Variants in PRKCD observed in about 807,000 individuals in gnomAD.
PRKCD encodes the protein protein kinase C delta type.
Under a neutral mutation model 82.2 loss-of-function variants are expected in PRKCD, and 20 were observed. The observed-to-expected ratio is 0.24, with a 90% CI of 0.17 to 0.35. The LOEUF (loss-of-function observed/expected upper bound fraction) is 0.35. Ranked by LOEUF, PRKCD falls within the 10% of genes least tolerant of loss-of-function variation. The probability of loss-of-function intolerance (pLI) is 1.00; values close to 1 mark genes in which losing one functional copy is unlikely to be tolerated. For missense variants in PRKCD, 607 were observed against 899.0 expected (o/e 0.68, Z 4.15); for synonymous variants, 317 against 337.0 (o/e 0.94, Z 0.65).
Position 53,188,742 on chromosome 3 carries a change from C to T in PRKCD, c.1438C>T (p.Leu480=), listed in dbSNP as rs1553669989. ...TAGGGACCTCAAACTGGACAATGTG[C>T]TGCTGGACCGGGATGGCCACATCAA... ...IYRDLKLDNV[L]LDRDGHIKIA... is the part of the protein sequence containing the mutation. Residue 480 remains leucine, a synonymous_variant, in exon 16 of 19, where the codon CTG becomes TTG. Coordinates refer to ENST00000330452, the MANE Select transcript of PRKCD (RefSeq NM_006254.4). 1.2e-6 allele frequency: 2 copies of T among 1,614,088 alleles called. No individual in the cohort carries two copies. Among genetic ancestry groups the T allele is most frequent in the East Asian group, 2.2e-5 (1 of 44,898 alleles).
chr3:53,174,286 C>T (rs1345498775), intron 2 of PRKCD, among the ~76,000 whole-genome samples: 2 of 152,206 alleles, frequency 1.3e-5, no homozygotes, highest in Non-Finnish European at 2.9e-5. Context: ...GCTGCCTCTG[C>T]TGTAGGCTGG....
chr3:53,178,612 CT>C, intron 3 of PRKCD, 75 bp downstream of exon 3: 1 of 1,283,350 alleles, frequency 7.8e-7, no homozygotes, highest in Non-Finnish European at 1.1e-6. Flanking sequence ...GGGGCCTGGC[CT>C]TGTTCCCTGC....
At chr3:53,162,245 G>C (rs1702693462) in intron 1 of PRKCD, among the ~76,000 whole-genome samples, 1 of 151,088 alleles carries the variant, frequency 6.6e-6, no homozygotes, top group Non-Finnish European at 1.5e-5. Context: ...CGTTGTGGGG[G>C]CTCCACCAGA....
At position 53,169,130 on chromosome 3, in the gene PRKCD, T is replaced by A. The variant is rs531158733; in HGVS notation, c.-20+3915T>A. On this transcript the variant is annotated intron_variant, in intron 2 of 18. Coordinates refer to ENST00000330452, the MANE Select transcript of PRKCD (RefSeq NM_006254.4). The surrounding 1 kb of genome is among the most constrained non-coding windows in gnomAD (Gnocchi z 4.7). ...TTATTGTGTGGGGAGCAGGGGGAGC[T>A]GTCTGGCCTGAGCCACTGCCTGAGC... is the stretch of plus-strand genomic sequence containing the variant. Among the ~76,000 whole-genome samples the A allele has an allele frequency of 2.4e-4, 37 of 151,920 alleles. No homozygotes were observed. Among genetic ancestry groups the A allele is most frequent in the African/African-American group, 8.5e-4 (35 of 41,402 alleles).
At chr3:53,186,114 G>T in intron 12 of PRKCD, 53 bp from the exon 13 acceptor site, 1 of 1,607,692 alleles carries the variant, frequency 6.2e-7, no homozygotes, top group Non-Finnish European at 8.5e-7. Flanking sequence ...TGTGAATCGG[G>T]CTGTGGCCCC....
intron 7 of PRKCD, 107 bp downstream of exon 7, chr3:53,181,839 C>A (rs781825801): frequency 6.6e-7 from 1 of 1,520,060 alleles, no homozygotes. Context: ...AGTGTATGCA[C>A]GTGAGTTTTC....
rs1209703403 is a variant in PRKCD, at chr3:53,169,126, G to A, written c.-20+3911G>A. 6.6e-6 allele frequency among the ~76,000 whole-genome samples: 1 copy of A among 152,120 alleles called. No individual in the cohort carries two copies. Among genetic ancestry groups the A allele is most frequent in the Non-Finnish European group, 1.5e-5 (1 of 68,004 alleles). On this transcript the variant is annotated intron_variant, in intron 2 of 18. Transcript: ENST00000330452. This position sits in a 1 kb window ranked among gnomAD's most constrained non-coding sequence, Gnocchi z 4.7. ...GGCCTTATTGTGTGGGGAGCAGGGG[G>A]AGCTGTCTGGCCTGAGCCACTGCCT...
chr3:53,183,600 CT>C lies in PRKCD; in HGVS notation c.787+20del. 6.2e-7 allele frequency: 1 copy of C among 1,612,472 alleles called. No homozygotes were observed. Among genetic ancestry groups the C allele is most frequent in the Non-Finnish European group, 8.5e-7 (1 of 1,179,068 alleles). ...TGTGAAGGTGCGTGCCACCCCGCCC[CT>C]GGGCTGCAGGAGGGGCACTCCCAGC... On this transcript the variant is annotated intron_variant, in intron 9 of 18. Coordinates refer to ENST00000330452, the MANE Select transcript of PRKCD (RefSeq NM_006254.4).
At chr3:53,177,998 T>C (rs1351015382) in intron 2 of PRKCD, among the ~76,000 whole-genome samples, 1 of 146,806 alleles carries the variant, frequency 6.8e-6, no homozygotes, top group African/African-American at 2.5e-5. Context: ...CAGGCTGGAG[T>C]GTACTGGTGC....
At chr3:53,170,022 G>C (rs1451301702) in intron 2 of PRKCD, among the ~76,000 whole-genome samples, 1 of 152,244 alleles carries the variant, frequency 6.6e-6, no homozygotes, top group African/African-American at 2.4e-5. Flanking sequence ...AAGTGGGGAA[G>C]CATCATGTGG....
intron 2 of PRKCD, among the ~76,000 whole-genome samples, chr3:53,171,877 G>A (rs1008194761): frequency 9.9e-5 from 15 of 152,270 alleles, no homozygotes; most frequent in Admixed American, 2.0e-4. Flanking sequence ...TTTCTCCAGG[G>A]GCAGTGAGAG....
intron 2 of PRKCD, among the ~76,000 whole-genome samples, chr3:53,176,613 TGTG>T (rs1390563863): frequency 5.3e-5 from 8 of 152,214 alleles, no homozygotes; most frequent in African/African-American, 1.7e-4. Context: ...GGAGCAGCCT[TGTG>T]GGGCCTGGGC....
chr3:53,171,484 C>T (rs1703029245), intron 2 of PRKCD, among the ~76,000 whole-genome samples: 1 of 152,232 alleles, frequency 6.6e-6, no homozygotes, highest in South Asian at 2.1e-4. Context: ...CTCCGTTCTC[C>T]TCCAGCCCCC....
chr3:53,192,552 TA>T lies in PRKCD; in HGVS notation c.*288del. The stretch of plus-strand genomic sequence containing the variant: ...ATATACATAGACATATATATATATA[TA>T]ATAGGCTGTATATATTGCTCAGTAG... On this transcript the variant is annotated 3_prime_UTR_variant, in exon 19 of 19. Transcript: ENST00000330452. 1 of 163,928 alleles carries T rather than the reference TA, an allele frequency of 6.1e-6. No homozygotes were observed. The highest frequency in any genetic ancestry group is 1.3e-5 in the Non-Finnish European group (1 of 78,312). 10.2% of individuals were successfully genotyped at this position (163,928 alleles called of 1,614,324 possible). A position where few individuals can be genotyped will look rare whatever the true frequency, so the allele number is the denominator to read the frequency against.
At chr3:53,172,400 C>G (rs1553665110) in intron 2 of PRKCD, among the ~76,000 whole-genome samples, 1 of 152,182 alleles carries the variant, frequency 6.6e-6, no homozygotes, top group African/African-American at 2.4e-5. Flanking sequence ...CTGCCGGTAC[C>G]AGTCCTGCAC....
At chr3:53,178,668 C>T in intron 3 of PRKCD, 131 bp downstream of exon 3, 1 of 740,714 alleles carries the variant, frequency 1.4e-6, no homozygotes, top group East Asian at 2.9e-5. Context: ...ACTCCCTGCC[C>T]CACTCAGCTA....
At chr3:53,168,427 C>CCG (rs1702903852) in intron 2 of PRKCD, among the ~76,000 whole-genome samples, 1 of 152,080 alleles carries the variant, frequency 6.6e-6, no homozygotes, top group Admixed American at 6.5e-5. Flanking sequence ...CAGCAGGGGC[C>CCG]TGAGGGCTGG....
Position 53,189,229 on chromosome 3 carries a change from A to G in PRKCD, c.1726A>G (p.Lys576Glu), listed in dbSNP as rs782371398. The change falls in exon 17 of 19, where the codon AAG (lysine) becomes GAG (glutamate). Residue 576 changes from lysine to glutamate, a missense_variant. Around this residue, in one of 5 missense-constraint regions of PRKCD, gnomAD observed 251 missense variants for 423.9 expected, o/e 0.59. Transcript: ENST00000330452. ...TCCCCGCTGGATCACCAAGGAGTCC[A>G]AGGACATCCTGGAGAAGGTGGAGGC... ...HYPRWITKES[K>E]DILEKLFERE... 1.2e-5 allele frequency: 19 copies of G among 1,612,474 alleles called. No individual in the cohort carries two copies. In the East Asian group the frequency reaches 3.3e-4, roughly 28 times the overall value.
intron 1 of PRKCD, 121 bp downstream of exon 1, chr3:53,161,549 A>G (rs1702659679): frequency 6.6e-6 from 1 of 150,884 alleles, no homozygotes; most frequent in South Asian, 2.1e-4. Context: ...GCGGTCAGCG[A>G]AAGTCCCGCC....
Sources: allele counts gnomAD v4.1 joint callset (sites outside exome capture counted in the v4.1 genomes callset), GRCh38; gene constraint gnomAD v4.1.1; regional missense constraint gnomAD v4.1.1; non-coding constraint Gnocchi (gnomAD v3.1); transcripts MANE v1.5; gene names NCBI Gene and HGNC (gene_info 2026-07-23, HGNC 2026-07-21).